The following GDAP1 variants were observed in gnomAD, a reference collection of about 807,000 sequenced individuals.
The protein encoded by GDAP1 is ganglioside induced differentiation associated protein 1.
GDAP1 carries 34 observed loss-of-function variants against 40.1 expected under a neutral mutation model. The ratio of observed to expected loss-of-function variants is 0.85; its 90% CI spans 0.64 to 1.13. The LOEUF (loss-of-function observed/expected upper bound fraction) is 1.13, where lower values mean the gene tolerates loss of function less well. GDAP1 is among the 50% of genes most tolerant of loss of function. The probability of loss-of-function intolerance (pLI) is 0.00; values close to 1 mark genes in which losing one functional copy is unlikely to be tolerated. For missense variants in GDAP1, 374 were observed against 433.7 expected, an observed-to-expected ratio of 0.86 and a Z score of 1.22; for synonymous variants, 170 against 157.4, an observed-to-expected ratio of 1.08 and a Z score of -0.60.
At position 74,364,931 on chromosome 8, in the gene GDAP1, T is replaced by A. The variant is rs757598054; in HGVS notation, c.*564T>A. The A allele has an allele frequency of 4.4e-6, 2 of 454,012 alleles. No individual in the cohort carries two copies. Among genetic ancestry groups the A allele is most frequent in the Non-Finnish European group, 8.8e-6 (2 of 226,796 alleles). 28.1% of individuals were successfully genotyped at this position (454,012 alleles called of 1,614,324 possible). A position where few individuals can be genotyped will look rare whatever the true frequency, so the allele number is the denominator to read the frequency against. ...TCATTGGAACACATCTGCCTAGCATTTCTGTAAAAGTCTTAAGTGATATTA... is the reference window on the plus strand; with the variant it reads ...TCATTGGAACACATCTGCCTAGCATATCTGTAAAAGTCTTAAGTGATATTA... On this transcript the variant is annotated 3_prime_UTR_variant, in exon 6 of 6. Transcript: ENST00000220822.
chr8:74,406,101 T>G (rs1314066643), intron 2 of GDAP1, among the ~76,000 whole-genome samples: 1 of 150,334 alleles, frequency 6.7e-6, no homozygotes, highest in Non-Finnish European at 1.5e-5. Context: ...AGCTAACTGT[T>G]CAGCCAGATC....
intron 2 of GDAP1, among the ~76,000 whole-genome samples, chr8:74,473,307 C>T (rs941197683): frequency 6.6e-6 from 1 of 152,050 alleles, no homozygotes; most frequent in African/African-American, 2.4e-5. Flanking sequence ...TAATTAGATA[C>T]CATTTGTCAA....
intron 2 of GDAP1, among the ~76,000 whole-genome samples, chr8:74,431,456 G>A (rs1028335531): frequency 1.3e-5 from 2 of 150,494 alleles, no homozygotes; most frequent in African/African-American, 4.9e-5. Flanking sequence ...ATGTGAACAT[G>A]TTCAAAATTC....
chr8:74,370,530 T>C (rs1586811760), downstream of GDAP1, among the ~76,000 whole-genome samples: 2 of 151,674 alleles, frequency 1.3e-5, no homozygotes, highest in Non-Finnish European at 2.9e-5. Context: ...ATTTAAAAAA[T>C]CCCTAAGAAA....
intron 2 of GDAP1, among the ~76,000 whole-genome samples, chr8:74,478,530 G>A (rs73686902): frequency 0.023 from 3,514 of 152,184 alleles, 120 homozygotes; most frequent in African/African-American, 0.08. Context: ...GGCCAAGCTG[G>A]GGCCCCAGGA....
chr8:74,424,795 T>C (rs1157219261), intron 2 of GDAP1, among the ~76,000 whole-genome samples: 1 of 152,230 alleles, frequency 6.6e-6, no homozygotes, highest in Non-Finnish European at 1.5e-5. Context: ...ACCTCTGGTC[T>C]AAGTATTAGA....
intron 5 of GDAP1, among the ~76,000 whole-genome samples, 160 bp from the exon 6 acceptor site, chr8:74,363,825 A>G (rs1275520888): frequency 6.6e-6 from 1 of 152,114 alleles, no homozygotes; most frequent in South Asian, 2.1e-4. Context: ...TTAAAGCATG[A>G]AATTATTCTC....
chr8:74,396,588 G>C (rs991088977), intron 2 of GDAP1, among the ~76,000 whole-genome samples: 11 of 150,310 alleles, frequency 7.3e-5, no homozygotes, highest in Non-Finnish European at 1.3e-4. Flanking sequence ...TCCCACCTAT[G>C]AGTGAGAACA....
At chr8:74,392,181 G>A (rs532273686) in intron 2 of GDAP1, among the ~76,000 whole-genome samples, 193 of 152,220 alleles carry the variant, frequency 1.3e-3, no homozygotes, top group African/African-American at 4.5e-3. Flanking sequence ...ATCAGATCCA[G>A]TTATTTAGTT....
intron 2 of GDAP1, among the ~76,000 whole-genome samples, chr8:74,416,929 GTT>G (rs71269992): frequency 7.5e-6 from 1 of 134,162 alleles, no homozygotes. Context: ...TTTGTTTTTT[GTT>G]TTTTTTTTTT....
At chr8:74,385,072 A>AT (rs1298536893) in intron 2 of GDAP1, among the ~76,000 whole-genome samples, 6 of 152,206 alleles carry the variant, frequency 3.9e-5, no homozygotes, top group African/African-American at 1.4e-4. Flanking sequence ...AAGGGACTTT[A>AT]AGGAATTTTT....
chr8:74,427,380 T>G (rs1194025621), intron 2 of GDAP1, among the ~76,000 whole-genome samples: 1 of 152,218 alleles, frequency 6.6e-6, no homozygotes, highest in East Asian at 1.9e-4. Context: ...TGCTTTTTAT[T>G]AAGCTGCCAA....
At position 74,365,290 on chromosome 8, in the gene GDAP1, C is replaced by A. The variant is rs1211349840; in HGVS notation, c.*923C>A. The A allele has an allele frequency of 6.6e-6, 3 of 454,060 alleles. No homozygotes were observed. Among genetic ancestry groups the A allele is most frequent in the Non-Finnish European group, 1.3e-5 (3 of 226,772 alleles). The allele number at this position is 454,060 out of a possible 1,614,324, so 28.1% of individuals were successfully genotyped here. On this transcript the variant is annotated 3_prime_UTR_variant, in exon 6 of 6. Coordinates refer to ENST00000220822, the MANE Select transcript of GDAP1 (RefSeq NM_018972.4). ...AGATCTTTCATCTGTTTATGATCAT[C>A]AACAAAGACTTGTTAGAAAGGTCTA...
rs190048956 is a variant in GDAP1 at position 74,381,291 on chromosome 8, C to T, written c.165+29970C>T. 1.8e-3 allele frequency among the ~76,000 whole-genome samples: 268 copies of T among 151,498 alleles called. 1 individual carries two copies. Among genetic ancestry groups the T allele is most frequent in the African/African-American group, 6.1e-3 (252 of 41,278 alleles). Reference sequence around the variant, plus strand: ...TAAAGATGTTCATGGTAGCAGAGTTCGTAACAAAAAAACTGGAAACAATCT... The same window carrying T: ...TAAAGATGTTCATGGTAGCAGAGTTTGTAACAAAAAAACTGGAAACAATCT... On this transcript the variant is annotated intron_variant, in intron 2 of 2. Transcript: ENST00000523640.
At chr8:74,471,951 CTTTTA>C (rs1198093105) in intron 2 of GDAP1, among the ~76,000 whole-genome samples, 2 of 152,124 alleles carry the variant, frequency 1.3e-5, no homozygotes, top group Non-Finnish European at 1.5e-5. Flanking sequence ...TTGTTTTAAA[CTTTTA>C]TTTTAGGTTC....
At chr8:74,388,619 T>C (rs906746705) in intron 2 of GDAP1, among the ~76,000 whole-genome samples, 15 of 152,198 alleles carry the variant, frequency 9.9e-5, no homozygotes, top group Admixed American at 6.5e-5. Flanking sequence ...GATTTTATAA[T>C]AAGGGCTATG....
At chr8:74,464,242 A>G (rs548304005) in intron 2 of GDAP1, among the ~76,000 whole-genome samples, 1 of 152,342 alleles carries the variant, frequency 6.6e-6, no homozygotes, top group African/African-American at 2.4e-5. Flanking sequence ...TAGTTGGCAG[A>G]CAGTCCAAAA....
chr8:74,418,059 CAA>C (rs1563463874), intron 2 of GDAP1, among the ~76,000 whole-genome samples: 1 of 152,146 alleles, frequency 6.6e-6, no homozygotes, highest in Non-Finnish European at 1.5e-5. Context: ...AGTGGAGAGA[CAA>C]ATTGTTTTCA....
chr8:74,371,919 C>G (rs186080250), intron 2 of GDAP1, among the ~76,000 whole-genome samples: 1 of 147,040 alleles, frequency 6.8e-6, no homozygotes, highest in African/African-American at 2.5e-5. Context: ...GCTACCCCTC[C>G]CCCCCCACCC....
Sources: gnomAD v4.1 joint callset for allele counts (sites outside exome capture counted in the v4.1 genomes callset) on GRCh38, gnomAD v4.1.1 for gene constraint, MANE v1.5 for transcripts, NCBI Gene and HGNC (gene_info 2026-07-23, HGNC 2026-07-21) for gene names.